Variants in SGCD observed in about 807,000 individuals in gnomAD.
SGCD encodes delta-sarcoglycan.
In SGCD, 18 loss-of-function variants were observed where a neutral mutation model predicts 36.6. The ratio of observed to expected loss-of-function variants is 0.49; its 90% confidence interval spans 0.34 to 0.73. The LOEUF (loss-of-function observed/expected upper bound fraction) is 0.73, where lower values mean the gene tolerates loss of function less well. Among genes scored for constraint, SGCD ranks in the 30% least tolerant of loss-of-function variants. SGCD has a pLI of 0.01. For synonymous variants in SGCD, 133 were observed against 130.6 expected (o/e 1.02, Z -0.12); for missense variants, 387 against 346.7 (o/e 1.12, Z -0.92).
chr5:156,608,152 A>G (rs1761578739), intron 6 of SGCD, among the ~76,000 whole-genome samples: 4 of 152,086 alleles, frequency 2.6e-5, no homozygotes, highest in African/African-American at 7.2e-5. Context: ...TCAATTTTAG[A>G]TCTTTCCTGC....
chr5:156,627,136 G>C (rs1762468309), intron 6 of SGCD, among the ~76,000 whole-genome samples: 1 of 152,168 alleles, frequency 6.6e-6, no homozygotes, highest in Admixed American at 6.5e-5. Flanking sequence ...ATCTCTAAAA[G>C]TTCTTTGCTC....
chr5:156,406,964 C>T (rs775619632), intron 3 of SGCD, among the ~76,000 whole-genome samples: 1 of 151,626 alleles, frequency 6.6e-6, no homozygotes, highest in Non-Finnish European at 1.5e-5. Flanking sequence ...AACTGAAGAA[C>T]TTAGAGTCCG....
At chr5:156,629,805 G>T (rs889926808) in intron 6 of SGCD, among the ~76,000 whole-genome samples, 2 of 151,638 alleles carry the variant, frequency 1.3e-5, no homozygotes. Flanking sequence ...TTTGGCCCAT[G>T]GGTTCTAGTT....
the SGCD span, among the ~76,000 whole-genome samples, chr5:155,828,834 G>A: frequency 6.6e-6 from 1 of 151,940 alleles, no homozygotes; most frequent in African/African-American, 2.4e-5. Context: ...TGACAGGCAT[G>A]TGCCACCATG....
In SGCD at chr5:156,759,353, G is replaced by C. The variant is rs1042166566; in HGVS notation, c.836G>C (p.Gly279Ala). Residue 279 changes from glycine to alanine, a missense_variant, in exon 9 of 9, where the codon GGG becomes GCG. Physicochemically the swap from Gly to Ala is moderately conservative, Grantham distance 60. Coordinates refer to ENST00000337851, the MANE Select transcript of SGCD (RefSeq NM_000337.6). ...TTATTCCTGTCTCAGGCAGGAGCTG[G>C]GTCCACTTGTCAGATAAACACAAGT... The part of the protein sequence containing the change: ...GRLFLSQAGA[G>A]STCQINTSVC... The C allele has an allele frequency of 6.2e-7, 1 of 1,611,654 alleles. No homozygotes were observed. Among genetic ancestry groups the C allele is most frequent in the Non-Finnish European group, 8.5e-7 (1 of 1,178,294 alleles).
chr5:156,418,371 G>A (rs552435863), intron 3 of SGCD, among the ~76,000 whole-genome samples: 1 of 152,292 alleles, frequency 6.6e-6, no homozygotes, highest in Admixed American at 6.5e-5. Flanking sequence ...GGAGGACTTG[G>A]TTTTGTGACT....
intron 4 of SGCD, among the ~76,000 whole-genome samples, chr5:156,527,110 A>G (rs1757676568): frequency 1.3e-5 from 2 of 152,122 alleles, no homozygotes. Flanking sequence ...CATCATTAGA[A>G]TCTCTTTTAT....
intron 6 of SGCD, among the ~76,000 whole-genome samples, chr5:156,604,221 C>CT (rs1761322818): frequency 6.6e-6 from 1 of 151,788 alleles, no homozygotes; most frequent in African/African-American, 2.4e-5. Context: ...CTCCTGCTTG[C>CT]TTTTCATTTC....
intron 3 of SGCD, among the ~76,000 whole-genome samples, chr5:156,280,348 A>G (rs1338073463): frequency 1.3e-5 from 2 of 152,232 alleles, no homozygotes; most frequent in Non-Finnish European, 2.9e-5. Context: ...AATAACACAC[A>G]TGCAAAACAA....
At chr5:156,505,907 C>A (rs1330224621) in intron 3 of SGCD, among the ~76,000 whole-genome samples, 3 of 151,818 alleles carry the variant, frequency 2.0e-5, no homozygotes, top group African/African-American at 4.8e-5. Flanking sequence ...GTGCCACATA[C>A]ATAGTTTACA....
At position 156,594,884 on chromosome 5, in the gene SGCD, TCTCTCTC is replaced by T. The variant is rs780744816; in HGVS notation, c.383-34_383-28del. The T allele has an allele frequency of 9.4e-6, 12 of 1,272,996 alleles. No individual in the cohort carries two copies. Among genetic ancestry groups the T allele is most frequent in the East Asian group, 2.4e-5 (1 of 41,648 alleles). The allele number at this position is 1,272,996 out of a possible 1,614,324, so 78.9% of individuals were successfully genotyped here. A position where few individuals can be genotyped will look rare whatever the true frequency, so the allele number is the denominator to read the frequency against. ...TGAGACTAATGGTGTTTTCTCTCTC[TCTCTCTC>T]CTCTCTCCTCTCTATCTCTCTATCT... On this transcript the variant is annotated intron_variant, in intron 5 of 8. Coordinates refer to ENST00000337851, the MANE Select transcript of SGCD (RefSeq NM_000337.6).
At chr5:156,121,020 C>T (rs1581111149) in intron 2 of SGCD, among the ~76,000 whole-genome samples, 2 of 152,200 alleles carry the variant, frequency 1.3e-5, no homozygotes, top group Middle Eastern at 6.8e-3. Flanking sequence ...TCTCATGTTA[C>T]AATGTTCCGC....
intron 3 of SGCD, among the ~76,000 whole-genome samples, chr5:156,154,930 GTTC>G (rs1376003349): frequency 4.6e-5 from 7 of 151,740 alleles, no homozygotes; most frequent in Non-Finnish European, 1.0e-4. Flanking sequence ...ACATAGCTCA[GTTC>G]TTCTTTTCAT....
At chr5:156,344,398 T>C (rs1768830737) in intron 2 of SGCD, 91 bp from the exon 3 acceptor site, 2 of 870,718 alleles carry the variant, frequency 2.3e-6, no homozygotes, top group Non-Finnish European at 3.5e-6. Context: ...CAGCCATATC[T>C]CTTCATCAGT....
intron 1 of SGCD, among the ~76,000 whole-genome samples, chr5:156,025,154 T>C (rs1293021482): frequency 6.6e-6 from 1 of 152,090 alleles, no homozygotes; most frequent in African/African-American, 2.4e-5. Context: ...TTCCGTGTGG[T>C]GATTTAGTGA....
chr5:156,507,821 G>A (rs1054251101), intron 3 of SGCD, among the ~76,000 whole-genome samples: 4 of 152,278 alleles, frequency 2.6e-5, no homozygotes, highest in Admixed American at 2.6e-4. Flanking sequence ...ATTTTATGTA[G>A]CAAACAATTG....
At chr5:156,581,014 C>A (rs1171766711) in intron 4 of SGCD, among the ~76,000 whole-genome samples, 1 of 152,150 alleles carries the variant, frequency 6.6e-6, no homozygotes, top group Non-Finnish European at 1.5e-5. Context: ...CTTTTCTCCT[C>A]CGGTTTCTCC....
intron 7 of SGCD, among the ~76,000 whole-genome samples, chr5:156,681,700 C>T (rs1753729427): frequency 6.6e-6 from 1 of 152,174 alleles, no homozygotes; most frequent in Non-Finnish European, 1.5e-5. Flanking sequence ...TCTAGAATGT[C>T]ATGCCAATAA....
At chr5:156,544,210 G>A (rs903901278) in intron 4 of SGCD, among the ~76,000 whole-genome samples, 1 of 152,148 alleles carries the variant, frequency 6.6e-6, no homozygotes, top group African/African-American at 2.4e-5. Flanking sequence ...TTCCCTAGTT[G>A]GGAAAATTTT....
Sources: allele counts gnomAD v4.1 joint callset (sites outside exome capture counted in the v4.1 genomes callset), GRCh38; gene constraint gnomAD v4.1.1; transcripts MANE v1.5; gene names NCBI Gene and HGNC (gene_info 2026-07-23, HGNC 2026-07-21).